The following SSC5D variants were observed in gnomAD, a reference collection of about 807,000 sequenced individuals.
The protein encoded by SSC5D is soluble scavenger receptor cysteine-rich domain-containing protein SSC5D.
Under a neutral mutation model 104.6 loss-of-function variants are expected in SSC5D, and 106 were observed. That is an observed-to-expected ratio of 1.01 (90% confidence interval 0.87 to 1.19). The LOEUF (loss-of-function observed/expected upper bound fraction) is 1.19, where lower values mean the gene tolerates loss of function less well. Among genes scored for constraint, SSC5D ranks in the 50% most tolerant of loss-of-function variants. SSC5D has a pLI of 0.00. For synonymous variants in SSC5D, 860 were observed against 883.5 expected (o/e 0.97, Z 0.47); for missense variants, 1,993 against 2,153.8 (o/e 0.93, Z 1.48).
Position 55,494,831 on chromosome 19 carries a change from T to C in SSC5D, c.1387+48T>C, listed in dbSNP as rs1326721146. On this transcript the variant is annotated intron_variant, in intron 8 of 13. Coordinates refer to ENST00000389623, the MANE Select transcript of SSC5D (RefSeq NM_001144950.2). ...AGAAAACAGGGTCCTTCCTTCTGTT[T>C]CCTTCCCTCAGCTCTGAGACTGTCT... is the stretch of plus-strand genomic sequence containing the variant. 12 of 1,490,570 alleles carry C rather than the reference T, an allele frequency of 8.1e-6. No homozygotes were observed. The South Asian group carries it at 1.6e-4, about 20-fold the overall frequency. 92.3% of individuals were successfully genotyped at this position (1,490,570 alleles called of 1,614,324 possible).
intron 9 of SSC5D, 40 bp from the exon 10 acceptor site, chr19:55,499,776 G>C: frequency 6.7e-7 from 1 of 1,482,606 alleles, no homozygotes; most frequent in South Asian, 1.2e-5. Flanking sequence ...TTGTCATCAT[G>C]GTGTCTCTGT....
chr19:55,494,784 G>C lies in SSC5D; in HGVS notation c.1387+1G>C, dbSNP rs759230747. The stretch of plus-strand genomic sequence containing the variant: ...CTTTGGGAGCCTGGACCGGAAGCCG[G>C]TGAGTCCCTCCATGCTCCCCAAGAA... On this transcript the variant is annotated splice_donor_variant, in intron 8 of 13. Coordinates refer to ENST00000389623, the MANE Select transcript of SSC5D (RefSeq NM_001144950.2). LOFTEE classifies it high-confidence loss of function. 2 of 1,540,576 alleles carry C rather than the reference G, an allele frequency of 1.3e-6. No homozygotes were observed. The highest frequency in any genetic ancestry group is 8.8e-7 in the Non-Finnish European group (1 of 1,140,468).
In SSC5D at chr19:55,497,887, C is replaced by T. The variant is rs913919516; in HGVS notation, c.1395C>T (p.Pro465=). Reference sequence around the variant, plus strand: ...GGGTCTCTTCTACCCCAGGGTCCCCCCAGCTGCGCCTGGTGGCTGGGCCCA... The same window carrying T: ...GGGTCTCTTCTACCCCAGGGTCCCCTCAGCTGCGCCTGGTGGCTGGGCCCA... ...LWEPGPEAGS[P]QLRLVAGPSK... The change falls in exon 9 of 14, where the codon CCC becomes CCT. Residue 465 remains proline (P), a synonymous_variant. Coordinates refer to ENST00000389623, the MANE Select transcript of SSC5D (RefSeq NM_001144950.2). 3 of 1,536,312 alleles carry T rather than the reference C, an allele frequency of 2.0e-6. No homozygotes were observed. The highest frequency in any genetic ancestry group is 1.8e-6 in the Non-Finnish European group (2 of 1,135,768).
chr19:55,501,249 A>G lies in SSC5D; in HGVS notation c.2785+48A>G, dbSNP rs997898335. On this transcript the variant is annotated intron_variant, in intron 12 of 13. Coordinates refer to ENST00000389623, the MANE Select transcript of SSC5D (RefSeq NM_001144950.2). The stretch of plus-strand genomic sequence containing the variant: ...CCATGGAGGGCCTCCATAAACCTCC[A>G]TTCGCTTCCCTGCAGGGTTTCCAGA... 19 of 1,464,274 alleles carry G rather than the reference A, an allele frequency of 1.3e-5. No individual in the cohort carries two copies. In the African/African-American group the frequency reaches 2.1e-4, roughly 17 times the overall value. The allele number at this position is 1,464,274 out of a possible 1,614,324, so 90.7% of individuals were successfully genotyped here.
intron 13 of SSC5D, among the ~76,000 whole-genome samples, chr19:55,516,963 G>C (rs1257429179): frequency 6.6e-6 from 1 of 150,798 alleles, no homozygotes; most frequent in Non-Finnish European, 1.5e-5. Context: ...ACCCGCTCCC[G>C]CAACCCGCGT....
At position 55,493,994 on chromosome 19, in the gene SSC5D, G is replaced by GGGGGGGGGGGGGC; in HGVS notation, c.1213+82_1213+83insGGGGGGGGGGGGC. The GGGGGGGGGGGGGC allele has an allele frequency of 4.2e-5, 6 of 143,312 alleles. 3 individuals are homozygous for GGGGGGGGGGGGGC. Among genetic ancestry groups the GGGGGGGGGGGGGC allele is most frequent in the Admixed American group, 1.7e-4 (2 of 11,730 alleles). The allele number at this position is 143,312 out of a possible 1,614,324, so 8.9% of individuals were successfully genotyped here. A position where few individuals can be genotyped will look rare whatever the true frequency, so the allele number is the denominator to read the frequency against. On this transcript the variant is annotated intron_variant, in intron 7 of 13. Coordinates refer to ENST00000389623, the MANE Select transcript of SSC5D (RefSeq NM_001144950.2). ...GGGCAAGTTCGGCGGGGGCGGGGGG[G>GGGGGGGGGGGGGC]TCCCTACGCGCCCTTCCTGCCCTCT...
chr19:55,494,505 G>A, intron 7 of SSC5D, 105 bp from the exon 8 acceptor site: 1 of 1,269,258 alleles, frequency 7.9e-7, no homozygotes, highest in East Asian at 2.7e-5. Context: ...AGAGATCTCT[G>A]CGTGCAGCTG....
intron 8 of SSC5D, among the ~76,000 whole-genome samples, chr19:55,497,115 C>T (rs1043371190): frequency 1.3e-5 from 2 of 152,240 alleles, no homozygotes; most frequent in Non-Finnish European, 2.9e-5. Flanking sequence ...CCAGCTTCCT[C>T]AGGCAGAATT....
In SSC5D at chr19:55,489,658, C is replaced by A; in HGVS notation, c.357C>A (p.Cys119Ter). ...ACGAGGAGGACGCGGGCGTCGTCTG[C>A]GCAGGTGAGGACACCCTGGCTGCTC... ...CSHEEDAGVV[C>*]AGQRVANSRD... The change falls in exon 3 of 14, where the codon TGC becomes TGA. Residue 119 changes from cysteine to a stop codon, truncating the protein, a stop_gained. Transcript: ENST00000389623. LOFTEE classifies it high-confidence loss of function. 1 of 1,532,622 alleles carries A rather than the reference C, an allele frequency of 6.5e-7. No individual in the cohort carries two copies. The highest frequency in any genetic ancestry group is 1.2e-5 in the South Asian group (1 of 83,628). 94.9% of individuals were successfully genotyped at this position (1,532,622 alleles called of 1,614,324 possible).
chr19:55,493,987 CGGGGG>C lies in SSC5D; in HGVS notation c.1213+78_1213+82del. 2 of 206,422 alleles carry C rather than the reference CGGGGG, an allele frequency of 9.7e-6. 1 individual carries two copies. The highest frequency in any genetic ancestry group is 1.4e-5 in the Non-Finnish European group (2 of 145,040). 12.8% of individuals were successfully genotyped at this position (206,422 alleles called of 1,614,324 possible). A position where few individuals can be genotyped will look rare whatever the true frequency, so the allele number is the denominator to read the frequency against. ...AGCGGAGGGGCAAGTTCGGCGGGGG[CGGGGG>C]GGTCCCTACGCGCCCTTCCTGCCCT... On this transcript the variant is annotated intron_variant, in intron 7 of 13. Coordinates refer to ENST00000389623, the MANE Select transcript of SSC5D (RefSeq NM_001144950.2).
chr19:55,518,719 G>T lies in SSC5D; in HGVS notation c.4443G>T (p.Arg1481Ser). 6.4e-7 allele frequency: 1 copy of T among 1,551,090 alleles called. No homozygotes were observed. ...GPCVAPTPPVRVMACEPPALV... is the reference protein window; with the variant it reads ...GPCVAPTPPVSVMACEPPALV... The stretch of plus-strand genomic sequence containing the variant: ...GTGTGGCCCCAACACCACCTGTAAG[G>T]GTCATGGCTTGTGAGCCACCTGCCC... The change falls in exon 14 of 14, where the codon AGG becomes AGT. Residue 1481 changes from arginine to serine, a missense_variant. This residue lies in a region of SSC5D where 349 missense variants were observed against 397.6 expected (regional missense o/e 0.88). Coordinates refer to ENST00000389623, the MANE Select transcript of SSC5D (RefSeq NM_001144950.2).
chr19:55,489,907 C>T lies in SSC5D; in HGVS notation c.387C>T (p.Asp129=), dbSNP rs147939830. ...CAGQRVANSR[D]DSTSPLDGAP... ...GTCAGCGTGTGGCTAACTCCAGGGA[C>T]GACTCAACATCTCCCCTGGATGGGG... The change falls in exon 4 of 14, where the codon GAC becomes GAT. Residue 129 remains aspartate, a synonymous_variant. Transcript: ENST00000389623. 2.4e-3 allele frequency: 3,656 copies of T among 1,550,160 alleles called. 86 individuals carry two copies. In the African/African-American group the frequency reaches 0.043, roughly 18 times the overall value.
rs776755042 is a variant in SSC5D at position 55,500,719 on chromosome 19, C to T, written c.2532C>T (p.Ser844=). 3.7e-5 allele frequency: 57 copies of T among 1,551,632 alleles called. 1 individual carries two copies. The East Asian group carries it at 6.4e-4, about 17-fold the overall frequency. Reference sequence around the variant, plus strand: ...TGGATGACATGGGCTGTAAGGGAAGCGAGGCCTCACTGAGCGACTGCCCCT... The same window carrying T: ...TGGATGACATGGGCTGTAAGGGAAGTGAGGCCTCACTGAGCGACTGCCCCT... ...IWLDDMGCKG[S]EASLSDCPSG... is the part of the protein sequence containing the mutation. Residue 844 remains serine, a synonymous_variant, in exon 11 of 14, where the codon AGC becomes AGT. Transcript: ENST00000389623. This position sits in a 1 kb window ranked among gnomAD's most constrained non-coding sequence, Gnocchi z 4.6.
At chr19:55,507,549 C>T (rs568979272) in intron 12 of SSC5D, among the ~76,000 whole-genome samples, 15 of 150,862 alleles carry the variant, frequency 9.9e-5, no homozygotes, top group African/African-American at 2.9e-4. Context: ...GCCTATAATC[C>T]CAGCTACTCG....
chr19:55,493,387 G>A (rs1180320500), intron 6 of SSC5D, among the ~76,000 whole-genome samples: 1 of 152,138 alleles, frequency 6.6e-6, no homozygotes, highest in Admixed American at 6.5e-5. Context: ...AGCCCCCACC[G>A]CCCCAAGGCA....
chr19:55,490,495 C>G (rs1987109217), intron 5 of SSC5D, 87 bp downstream of exon 5: 1 of 622,144 alleles, frequency 1.6e-6, no homozygotes, highest in Non-Finnish European at 2.8e-6. Context: ...CGGGCGCCCT[C>G]TCCTTAGCCG....
chr19:55,506,972 G>C (rs1599925492), intron 12 of SSC5D, among the ~76,000 whole-genome samples: 1 of 151,714 alleles, frequency 6.6e-6, no homozygotes, highest in Admixed American at 6.6e-5. Context: ...TTCAAGACCA[G>C]CCTGGCCAAC....
chr19:55,494,501 C>T (rs1987253901), intron 7 of SSC5D, 109 bp from the exon 8 acceptor site: 1 of 1,236,860 alleles, frequency 8.1e-7, no homozygotes, highest in South Asian at 1.6e-5. Flanking sequence ...AGGAAGAGAT[C>T]TCTGCGTGCA....
At chr19:55,507,639 C>T (rs1426544155) in intron 12 of SSC5D, among the ~76,000 whole-genome samples, 1 of 122,360 alleles carries the variant, frequency 8.2e-6, no homozygotes, top group African/African-American at 3.1e-5. Flanking sequence ...GCACTCCAGC[C>T]TGGGTGACAG....
Sources: gnomAD v4.1 joint callset for allele counts (sites outside exome capture counted in the v4.1 genomes callset) on GRCh38, gnomAD v4.1.1 for gene constraint, gnomAD v4.1.1 regional missense constraint, Gnocchi (gnomAD v3.1) non-coding constraint, MANE v1.5 for transcripts, NCBI Gene and HGNC (gene_info 2026-07-23, HGNC 2026-07-21) for gene names.